Variants in VWDE observed in about 807,000 individuals in gnomAD.
VWDE encodes the protein von Willebrand factor D and EGF domains, also known as von Willebrand factor D and EGF domain-containing protein.
VWDE carries 207 observed loss-of-function variants against 178.4 expected under a neutral mutation model. The observed-to-expected ratio is 1.16, with a 90% CI of 1.04 to 1.30. VWDE has a LOEUF of 1.30. VWDE is among the 50% of genes most tolerant of loss of function. The pLI is 0.00. For missense variants in VWDE, 2,287 were observed against 1,901.3 expected (o/e 1.20, Z -3.77); for synonymous variants, 738 against 651.4 (o/e 1.13, Z -2.02).
chr7:12,380,311 G>A (rs576873087), intron 5 of VWDE, among the ~76,000 whole-genome samples, 175 bp downstream of exon 5: 1 of 150,944 alleles, frequency 6.6e-6, no homozygotes, highest in Admixed American at 6.6e-5. Flanking sequence ...TAAGATCACT[G>A]ACTCCTCCAG....
At position 12,374,997 on chromosome 7, in the gene VWDE, G is replaced by A. The variant is rs1583323780; in HGVS notation, c.1242+13C>T. ...AAGCTTCACTTGCAGTATTAGTGTT[G>A]TAATTTGTCAACCTGGATGCTGTCT... On this transcript the variant is annotated intron_variant, in intron 8 of 28. Coordinates refer to ENST00000275358, the MANE Select transcript of VWDE (RefSeq NM_001135924.3). The A allele has an allele frequency of 1.9e-6, 3 of 1,547,798 alleles. 1 individual carries two copies. The highest frequency in any genetic ancestry group is 2.6e-6 in the Non-Finnish European group (3 of 1,143,840).
At chr7:12,401,613 A>C (rs140173626) in intron 1 of VWDE, among the ~76,000 whole-genome samples, 1 of 152,286 alleles carries the variant, frequency 6.6e-6, no homozygotes, top group Non-Finnish European at 1.5e-5. Flanking sequence ...AACCACGAGG[A>C]TAGGTAGAAT....
Position 12,331,123 on chromosome 7 carries a change from T to C in VWDE, c.*60A>G. ...AAACTCCAAGTTATCTCCAACTTTTTCTGAACAAAATATTTCCATTCTTAA... is the reference window on the plus strand; with the variant it reads ...AAACTCCAAGTTATCTCCAACTTTTCCTGAACAAAATATTTCCATTCTTAA... On this transcript the variant is annotated 3_prime_UTR_variant, in exon 29 of 29. Transcript: ENST00000275358. 1 of 1,447,928 alleles carries C rather than the reference T, an allele frequency of 6.9e-7. No homozygotes were observed. The highest frequency in any genetic ancestry group is 1.3e-5 in the South Asian group (1 of 75,894). 89.7% of individuals were successfully genotyped at this position (1,447,928 alleles called of 1,614,324 possible). A position where few individuals can be genotyped will look rare whatever the true frequency, so the allele number is the denominator to read the frequency against.
In VWDE at chr7:12,332,843, T is replaced by C. The variant is rs538762203; in HGVS notation, c.4758+622A>G. Among the ~76,000 whole-genome samples the C allele has an allele frequency of 1.7e-3, 262 of 152,292 alleles. 3 individuals are homozygous for C. In the South Asian group the frequency reaches 0.017, roughly 10 times the overall value. On this transcript the variant is annotated intron_variant, in intron 28 of 28. Transcript: ENST00000275358. ...CTAATCAGTTGTCAAATTCTGGTAC[T>C]CCAGCATACTTTTATATTCATGACC...
chr7:12,354,864 A>G (rs1782139454), intron 18 of VWDE, among the ~76,000 whole-genome samples: 1 of 152,194 alleles, frequency 6.6e-6, no homozygotes, highest in Non-Finnish European at 1.5e-5. Flanking sequence ...TAGCTTAAGG[A>G]CAAATTGTTT....
chr7:12,331,557 T>C (rs1231433416), intron 28 of VWDE, among the ~76,000 whole-genome samples: 1 of 152,184 alleles, frequency 6.6e-6, no homozygotes, highest in Non-Finnish European at 1.5e-5. Flanking sequence ...CCCATCCTTT[T>C]CTTTCTCCAC....
intron 27 of VWDE, 98 bp downstream of exon 27, chr7:12,336,043 T>TC: frequency 9.4e-7 from 1 of 1,068,622 alleles, no homozygotes; most frequent in Non-Finnish European, 1.3e-6. Context: ...ATGCTGGAGT[T>TC]TTTTCCCCCT....
At chr7:12,384,734 A>G (rs1393443357) in intron 3 of VWDE, among the ~76,000 whole-genome samples, 1 of 152,128 alleles carries the variant, frequency 6.6e-6, no homozygotes, top group Admixed American at 6.6e-5. Context: ...TATACCACCA[A>G]TGAGCCAAGG....
chr7:12,391,560 G>C (rs537817252), intron 2 of VWDE, among the ~76,000 whole-genome samples: 1 of 152,172 alleles, frequency 6.6e-6, no homozygotes, highest in African/African-American at 2.4e-5. Context: ...TTTAAATGTG[G>C]TGAAGTTCCT....
At chr7:12,342,536 G>T (rs1781386683) in intron 22 of VWDE, among the ~76,000 whole-genome samples, 1 of 151,994 alleles carries the variant, frequency 6.6e-6, no homozygotes, top group African/African-American at 2.4e-5. Flanking sequence ...TCATATCTTA[G>T]TACTGGCCAC....
intron 13 of VWDE, among the ~76,000 whole-genome samples, chr7:12,361,857 T>C (rs1052549332): frequency 2.0e-5 from 3 of 152,120 alleles, no homozygotes; most frequent in Admixed American, 2.0e-4. Flanking sequence ...AGTGGATTGA[T>C]TTTCTGCCCA....
chr7:12,402,621 TATATGTTATTAC>T (rs1784957944), intron 1 of VWDE, among the ~76,000 whole-genome samples: 1 of 152,234 alleles, frequency 6.6e-6, no homozygotes, highest in Non-Finnish European at 1.5e-5. Context: ...AATGAACAGA[TATATGTTATTAC>T]ATGTATTTTT....
intron 19 of VWDE, among the ~76,000 whole-genome samples, chr7:12,345,923 T>A (rs1781574298): frequency 6.6e-6 from 1 of 152,136 alleles, no homozygotes; most frequent in Admixed American, 6.6e-5. Context: ...TTGTACTAAT[T>A]AGTGAATATT....
Position 12,344,358 on chromosome 7 carries a change from G to A in VWDE, c.3982+16C>T. 6.5e-7 allele frequency: 1 copy of A among 1,550,270 alleles called. No homozygotes were observed. The highest frequency in any genetic ancestry group is 8.7e-7 in the Non-Finnish European group (1 of 1,146,090). On this transcript the variant is annotated intron_variant, in intron 20 of 28. Transcript: ENST00000275358. ...AATACAATTTATCATGCAAACTAAT[G>A]AATGATGTTACCTACCAGTTTGGCA...
intron 13 of VWDE, among the ~76,000 whole-genome samples, chr7:12,363,478 G>C (rs779198718): frequency 6.6e-6 from 1 of 151,960 alleles, no homozygotes. Context: ...CTGCTTTGGG[G>C]GAGGAAGTGA....
At chr7:12,331,877 T>C (rs1302483503) in intron 28 of VWDE, among the ~76,000 whole-genome samples, 2 of 152,122 alleles carry the variant, frequency 1.3e-5, no homozygotes, top group Non-Finnish European at 2.9e-5. Flanking sequence ...TTTTTCTTCC[T>C]TTACTTATTT....
chr7:12,357,089 T>C (rs1410001757), intron 17 of VWDE, among the ~76,000 whole-genome samples, 176 bp downstream of exon 17: 1 of 152,226 alleles, frequency 6.6e-6, no homozygotes. Context: ...AGACTCTCTC[T>C]AAGGTTTTAA....
chr7:12,366,220 T>C (rs902769719), intron 13 of VWDE, among the ~76,000 whole-genome samples: 10 of 152,114 alleles, frequency 6.6e-5, no homozygotes, highest in African/African-American at 2.4e-4. Context: ...TATAGCACTG[T>C]GAAAATGGAC....
intron 18 of VWDE, 41 bp from the exon 19 acceptor site, chr7:12,351,754 T>C: frequency 6.7e-7 from 1 of 1,486,592 alleles, no homozygotes; most frequent in African/African-American, 1.4e-5. Flanking sequence ...ACTTAAACTA[T>C]TAGACAACCA....
Sources: gnomAD v4.1 joint callset for allele counts (sites outside exome capture counted in the v4.1 genomes callset) on GRCh38, gnomAD v4.1.1 for gene constraint, MANE v1.5 for transcripts, NCBI Gene and HGNC (gene_info 2026-07-23, HGNC 2026-07-21) for gene names.